ADAMTSL1: variants seen among roughly 807,000 people sequenced by gnomAD.
ADAMTSL1 encodes the protein ADAMTS-like protein 1.
In ADAMTSL1, 126 loss-of-function variants were observed where a neutral mutation model predicts 201.8. The ratio of observed to expected loss-of-function variants is 0.62; its 90% CI spans 0.54 to 0.72. The LOEUF is 0.72. ADAMTSL1 is among the 30% of genes least tolerant of loss of function. The pLI is 0.00. For missense variants in ADAMTSL1, 2,679 were observed against 2,277.8 expected (o/e 1.18, Z -3.59); for synonymous variants, 1,121 against 903.4 (o/e 1.24, Z -4.32).
At chr9:17,907,131 T>C (rs933762024) in intron 1 of ADAMTSL1, among the ~76,000 whole-genome samples, 16 of 152,190 alleles carry the variant, frequency 1.1e-4, no homozygotes, top group African/African-American at 3.9e-4. Flanking sequence ...CGTTTAGGCT[T>C]GACCCAGCTT....
At chr9:18,331,283 C>T (rs1835017594) in intron 2 of ADAMTSL1, among the ~76,000 whole-genome samples, 3 of 152,142 alleles carry the variant, frequency 2.0e-5, no homozygotes, top group South Asian at 2.1e-4. Flanking sequence ...CTGAGGCATT[C>T]AGACTTGAGT....
At chr9:18,735,935 C>A (rs1290663401) in intron 15 of ADAMTSL1, among the ~76,000 whole-genome samples, 1 of 151,584 alleles carries the variant, frequency 6.6e-6, no homozygotes, top group Admixed American at 6.6e-5. Flanking sequence ...CAACAGACCC[C>A]CCACCTCCTT....
chr9:18,881,290 C>T (rs1466679020), intron 23 of ADAMTSL1, among the ~76,000 whole-genome samples: 1 of 152,188 alleles, frequency 6.6e-6, no homozygotes, highest in African/African-American at 2.4e-5. Context: ...TTTTGACATA[C>T]CTTCCCCACT....
intron 2 of ADAMTSL1, among the ~76,000 whole-genome samples, chr9:18,254,014 A>G (rs1787416268): frequency 6.6e-6 from 1 of 152,162 alleles, no homozygotes; most frequent in African/African-American, 2.4e-5. Flanking sequence ...CTGCCACTGT[A>G]GACCAGATAT....
chr9:18,761,414 C>T (rs767576071), intron 16 of ADAMTSL1, among the ~76,000 whole-genome samples: 6 of 152,056 alleles, frequency 3.9e-5, no homozygotes, highest in East Asian at 3.8e-4. Context: ...TCTTATAAAA[C>T]GAACCCATGA....
Position 18,837,111 on chromosome 9 carries a change from A to C in ADAMTSL1, c.4249+7134A>C, listed in dbSNP as rs185150163. On this transcript the variant is annotated intron_variant, in intron 23 of 28. Transcript: ENST00000380548. Reference sequence around the variant, plus strand: ...GCCTTTTATTTCTTTCTCTTGCCTGATGGCTCTCACTAAGACTTTCCATTT... The same window carrying C: ...GCCTTTTATTTCTTTCTCTTGCCTGCTGGCTCTCACTAAGACTTTCCATTT... Among the ~76,000 whole-genome samples, 15 of 152,232 alleles carry C rather than the reference A, an allele frequency of 9.9e-5. No homozygotes were observed. The East Asian group carries it at 2.9e-3, about 29-fold the overall frequency.
chr9:18,453,160 T>A (rs181279442), intron 2 of ADAMTSL1, among the ~76,000 whole-genome samples: 3 of 152,324 alleles, frequency 2.0e-5, no homozygotes, highest in African/African-American at 7.2e-5. Flanking sequence ...AGCTTATACC[T>A]TCCAGAGCAG....
At chr9:18,435,531 A>T (rs1587202971) in intron 2 of ADAMTSL1, among the ~76,000 whole-genome samples, 1 of 152,234 alleles carries the variant, frequency 6.6e-6, no homozygotes, top group Non-Finnish European at 1.5e-5. Flanking sequence ...AGGGGCTCTG[A>T]TCGATTTGGT....
intron 1 of ADAMTSL1, among the ~76,000 whole-genome samples, chr9:18,062,947 G>A (rs1000732371): frequency 6.6e-6 from 1 of 152,090 alleles, no homozygotes; most frequent in African/African-American, 2.4e-5. Context: ...AAACTATTTT[G>A]CATGGCACAT....
At position 18,906,741 on chromosome 9, in the gene ADAMTSL1, A is replaced by C. The variant is rs1216702889; in HGVS notation, c.5011A>C (p.Arg1671=). 1.2e-6 allele frequency: 2 copies of C among 1,613,208 alleles called. No homozygotes were observed. Among genetic ancestry groups the C allele is most frequent in the East Asian group, 2.2e-5 (1 of 44,868 alleles). ...CWSEACSVHW[R]VSLWTLCTAT... is the part of the protein sequence containing the mutation. Reference sequence around the variant, plus strand: ...GTCAGAGGCCTGCAGTGTACACTGGAGAGTCAGCCTGTGGACCCTGTGCAC... The same window carrying C: ...GTCAGAGGCCTGCAGTGTACACTGGCGAGTCAGCCTGTGGACCCTGTGCAC... The change falls in exon 28 of 29, where the codon AGA becomes CGA. Residue 1671 remains arginine, a synonymous_variant. Transcript: ENST00000380548.
At chr9:17,913,579 A>T (rs1383300350) in intron 1 of ADAMTSL1, among the ~76,000 whole-genome samples, 1 of 152,210 alleles carries the variant, frequency 6.6e-6, no homozygotes, top group East Asian at 1.9e-4. Context: ...GGAAAGATCC[A>T]AAATTGACAC....
chr9:18,406,654 A>C (rs904510876), intron 2 of ADAMTSL1, among the ~76,000 whole-genome samples: 1 of 152,122 alleles, frequency 6.6e-6, no homozygotes, highest in African/African-American at 2.4e-5. Context: ...TTATGGAAGA[A>C]ATTTTAATGG....
At chr9:18,825,546 C>G (rs1283821875) in intron 21 of ADAMTSL1, among the ~76,000 whole-genome samples, 1 of 151,956 alleles carries the variant, frequency 6.6e-6, no homozygotes, top group Non-Finnish European at 1.5e-5. Context: ...TTGTCTAGTT[C>G]ATACATATAT....
At chr9:18,024,983 CTT>C (rs892869916) in intron 1 of ADAMTSL1, among the ~76,000 whole-genome samples, 5 of 152,012 alleles carry the variant, frequency 3.3e-5, no homozygotes, top group Non-Finnish European at 7.4e-5. Context: ...GATGATATCT[CTT>C]TGTGGTTTTG....
At chr9:18,575,962 C>T (rs1822694837) in intron 4 of ADAMTSL1, among the ~76,000 whole-genome samples, 1 of 152,110 alleles carries the variant, frequency 6.6e-6, no homozygotes, top group Non-Finnish European at 1.5e-5. Context: ...GCCAGCAGGC[C>T]TCATGGTACC....
At chr9:18,087,570 G>T (rs1396985372) in intron 1 of ADAMTSL1, among the ~76,000 whole-genome samples, 2 of 151,824 alleles carry the variant, frequency 1.3e-5, no homozygotes, top group East Asian at 3.9e-4. Flanking sequence ...ATGTAATTTT[G>T]GATTTGCATT....
chr9:18,717,828 G>A (rs1232793226), intron 14 of ADAMTSL1: 9 of 663,048 alleles, frequency 1.4e-5, no homozygotes, highest in South Asian at 1.3e-4. Context: ...AACTGATATA[G>A]TAGCTTTCAT....
At chr9:18,550,957 C>T (rs988840536) in intron 3 of ADAMTSL1, among the ~76,000 whole-genome samples, 1 of 151,818 alleles carries the variant, frequency 6.6e-6, no homozygotes, top group Non-Finnish European at 1.5e-5. Context: ...TTTAGATGTA[C>T]ATTTTAAAAT....
intron 1 of ADAMTSL1, among the ~76,000 whole-genome samples, chr9:17,976,997 A>G (rs981221692): frequency 3.6e-4 from 55 of 151,974 alleles, no homozygotes; most frequent in Admixed American, 6.6e-5. Context: ...GTTGAGGCAC[A>G]TTCTTTCTAT....
Sources: allele counts gnomAD v4.1 joint callset (sites outside exome capture counted in the v4.1 genomes callset), GRCh38; gene constraint gnomAD v4.1.1; transcripts MANE v1.5; gene names NCBI Gene and HGNC (gene_info 2026-07-23, HGNC 2026-07-21).